The following CAMKMT variants were observed in gnomAD, a reference collection of about 807,000 sequenced individuals.
CAMKMT encodes CaM KMT.
A neutral mutation model predicts 48.0 loss-of-function variants in CAMKMT; 53 were observed. The observed-to-expected ratio is 1.10, with a 90% CI of 0.89 to 1.39. The LOEUF (loss-of-function observed/expected upper bound fraction) is 1.39. CAMKMT is among the 40% of genes most tolerant of loss of function. The pLI, the probability that CAMKMT is intolerant of heterozygous loss-of-function variation, is 0.00. For synonymous variants in CAMKMT, 165 were observed against 152.3 expected, an observed-to-expected ratio of 1.08 and a Z score of -0.61; for missense variants, 428 against 402.7, an observed-to-expected ratio of 1.06 and a Z score of -0.54.
chr2:44,763,167 C>T (rs1363380911), intron 9 of CAMKMT, among the ~76,000 whole-genome samples: 1 of 152,106 alleles, frequency 6.6e-6, no homozygotes, highest in Non-Finnish European at 1.5e-5. Context: ...GGCTCTTTTC[C>T]ATCCTAACTA....
chr2:44,609,146 G>C (rs965803856), intron 3 of CAMKMT, among the ~76,000 whole-genome samples: 1 of 152,212 alleles, frequency 6.6e-6, no homozygotes, highest in Non-Finnish European at 1.5e-5. Flanking sequence ...TCCTAAGAAA[G>C]TTGATCTCAC....
At chr2:44,640,450 A>T (rs1186200620) in intron 3 of CAMKMT, among the ~76,000 whole-genome samples, 1 of 152,138 alleles carries the variant, frequency 6.6e-6, no homozygotes, top group Non-Finnish European at 1.5e-5. Flanking sequence ...ATTTAACCGC[A>T]TGGGCTTTGG....
chr2:44,663,372 A>G (rs1018492207), intron 3 of CAMKMT, among the ~76,000 whole-genome samples: 4 of 152,238 alleles, frequency 2.6e-5, no homozygotes, highest in Admixed American at 6.5e-5. Flanking sequence ...TAGCTTCTAC[A>G]TCATTGATTC....
At chr2:44,609,702 TCTC>T (rs1284534002) in intron 3 of CAMKMT, among the ~76,000 whole-genome samples, 1 of 152,204 alleles carries the variant, frequency 6.6e-6, no homozygotes, top group Non-Finnish European at 1.5e-5. Context: ...GAACTCATTC[TCTC>T]CTCTTCATAA....
At chr2:44,499,246 C>A (rs1165664476) in intron 3 of CAMKMT, among the ~76,000 whole-genome samples, 4 of 152,124 alleles carry the variant, frequency 2.6e-5, no homozygotes, top group Non-Finnish European at 5.9e-5. Context: ...GCGTCTGCAG[C>A]CATTTATGTG....
intron 3 of CAMKMT, among the ~76,000 whole-genome samples, chr2:44,603,567 T>C (rs184613793): frequency 6.6e-6 from 1 of 152,218 alleles, no homozygotes; most frequent in Non-Finnish European, 1.5e-5. Flanking sequence ...TAAGGTCAGC[T>C]GAGTGATTTT....
intron 7 of CAMKMT, among the ~76,000 whole-genome samples, chr2:44,719,973 A>G (rs950415948): frequency 6.6e-6 from 1 of 152,120 alleles, no homozygotes; most frequent in African/African-American, 2.4e-5. Flanking sequence ...GAGATGCCAC[A>G]CTCCTGTTTC....
intron 3 of CAMKMT, among the ~76,000 whole-genome samples, chr2:44,479,262 T>G (rs762189441): frequency 1.3e-5 from 2 of 152,164 alleles, no homozygotes; most frequent in Admixed American, 6.5e-5. Flanking sequence ...ATTTCACCCT[T>G]ATGCAGGGAG....
At chr2:44,535,422 G>T (rs1022021553) in intron 3 of CAMKMT, among the ~76,000 whole-genome samples, 2 of 152,140 alleles carry the variant, frequency 1.3e-5, no homozygotes, top group South Asian at 4.2e-4. Context: ...AACCAGTCAA[G>T]AACAAAACAA....
intron 3 of CAMKMT, among the ~76,000 whole-genome samples, chr2:44,558,138 T>A (rs1380079605): frequency 6.6e-6 from 1 of 152,136 alleles, no homozygotes; most frequent in Non-Finnish European, 1.5e-5. Flanking sequence ...CACTGCAGCC[T>A]CGAACTCCTG....
At chr2:44,512,672 T>A (rs1670628046) in intron 3 of CAMKMT, among the ~76,000 whole-genome samples, 1 of 152,262 alleles carries the variant, frequency 6.6e-6, no homozygotes, top group Non-Finnish European at 1.5e-5. Context: ...GGCCAGCTGG[T>A]TAAAGACAAC....
intron 3 of CAMKMT, among the ~76,000 whole-genome samples, chr2:44,603,754 G>C (rs948218793): frequency 2.6e-5 from 4 of 152,112 alleles, no homozygotes; most frequent in Middle Eastern, 3.2e-3. Flanking sequence ...GTATTCCCCT[G>C]CCCCAGATTC....
intron 3 of CAMKMT, among the ~76,000 whole-genome samples, chr2:44,545,520 G>A (rs770846108): frequency 5.3e-5 from 8 of 152,172 alleles, no homozygotes; most frequent in Non-Finnish European, 1.0e-4. Context: ...CTCAGAGCTA[G>A]TACACATGCA....
At chr2:44,388,907 C>T (rs1681038896) in intron 2 of CAMKMT, among the ~76,000 whole-genome samples, 2 of 151,788 alleles carry the variant, frequency 1.3e-5, no homozygotes, top group South Asian at 2.1e-4. Flanking sequence ...GTGGAGGTGG[C>T]GGGGTGGGGG....
chr2:44,567,263 C>A (rs1402935485), intron 3 of CAMKMT, among the ~76,000 whole-genome samples: 1 of 151,934 alleles, frequency 6.6e-6, no homozygotes, highest in Non-Finnish European at 1.5e-5. Context: ...TAATTCATCC[C>A]CTCTGTTGGG....
intron 3 of CAMKMT, among the ~76,000 whole-genome samples, chr2:44,396,292 A>C (rs202012637): frequency 4.7e-5 from 3 of 64,402 alleles, no homozygotes; most frequent in Admixed American, 3.6e-4. Flanking sequence ...TTATTCAAAA[A>C]GCGCATCAAA....
intron 2 of CAMKMT, among the ~76,000 whole-genome samples, chr2:44,378,472 GT>G (rs1679917714): frequency 1.2e-4 from 1 of 8,482 alleles, no homozygotes; most frequent in Non-Finnish European, 3.4e-4. Flanking sequence ...CTAGAATTAA[GT>G]TTGTTTGTTT....
chr2:44,753,824 G>A (rs189419087), intron 8 of CAMKMT, among the ~76,000 whole-genome samples: 41 of 152,320 alleles, frequency 2.7e-4, no homozygotes, highest in African/African-American at 6.3e-4. Context: ...GCCCAGTCAC[G>A]TGTGAATCCT....
At chr2:44,448,195 T>C (rs1481039985) in intron 3 of CAMKMT, among the ~76,000 whole-genome samples, 3 of 152,208 alleles carry the variant, frequency 2.0e-5, no homozygotes, top group African/African-American at 7.2e-5. Context: ...ACTGCATATA[T>C]GAAAAGCACC....
Sources: allele counts gnomAD v4.1 joint callset (sites outside exome capture counted in the v4.1 genomes callset), GRCh38; gene constraint gnomAD v4.1.1; transcripts MANE v1.5; gene names NCBI Gene and HGNC (gene_info 2026-07-23, HGNC 2026-07-21).